Variants in MYO3B observed in about 807,000 individuals in gnomAD.
MYO3B encodes myosin IIIB.
A neutral mutation model predicts 174.6 loss-of-function variants in MYO3B; 156 were observed. The ratio of observed to expected loss-of-function variants is 0.89; its 90% CI spans 0.78 to 1.02. The LOEUF is 1.02. MYO3B is among the 50% of genes least tolerant of loss of function. The pLI is 0.00. For missense variants in MYO3B, 1,632 were observed against 1,639.4 expected (o/e 1.00, Z 0.08); for synonymous variants, 563 against 569.1 (o/e 0.99, Z 0.15).
chr2:170,624,656 G>C (rs749966285), intron 32 of MYO3B, among the ~76,000 whole-genome samples: 1 of 152,122 alleles, frequency 6.6e-6, no homozygotes, highest in Non-Finnish European at 1.5e-5. Flanking sequence ...CTTTCAGAGG[G>C]AATGCTTCCA....
At chr2:170,391,703 C>A in intron 15 of MYO3B, 85 bp downstream of exon 15, 2 of 787,628 alleles carry the variant, frequency 2.5e-6, no homozygotes, top group Non-Finnish European at 2.1e-6. Flanking sequence ...GAGCTGTTTT[C>A]CTAACTGGAA....
chr2:170,515,053 T>C, intron 29 of MYO3B, 31 bp downstream of exon 29: 1 of 1,592,870 alleles, frequency 6.3e-7, no homozygotes, highest in East Asian at 2.2e-5. Context: ...GAATGAGTGT[T>C]CTAAATTCAG....
intron 23 of MYO3B, among the ~76,000 whole-genome samples, chr2:170,456,736 G>C (rs1683931020): frequency 6.6e-6 from 1 of 152,226 alleles, no homozygotes; most frequent in African/African-American, 2.4e-5. Context: ...AATGTTATTT[G>C]TTATATGTGC....
intron 7 of MYO3B, among the ~76,000 whole-genome samples, chr2:170,295,919 C>T (rs975557652): frequency 3.9e-5 from 6 of 152,264 alleles, no homozygotes; most frequent in South Asian, 2.1e-4. Flanking sequence ...GTCTTCTCTA[C>T]CTGAAGCCCA....
chr2:170,563,031 T>TAC (rs56861648), intron 32 of MYO3B, among the ~76,000 whole-genome samples: 6,329 of 138,546 alleles, frequency 0.046, 156 homozygotes, highest in African/African-American at 0.076. Context: ...AAAACATGCA[T>TAC]ACACACACAC....
chr2:170,527,385 A>G (rs1689071889), intron 30 of MYO3B, among the ~76,000 whole-genome samples: 1 of 152,244 alleles, frequency 6.6e-6, no homozygotes, highest in Admixed American at 6.5e-5. Context: ...GTCTACAGAC[A>G]TGTTTTGTTT....
At chr2:170,482,649 G>A (rs1685771689) in intron 25 of MYO3B, among the ~76,000 whole-genome samples, 1 of 152,214 alleles carries the variant, frequency 6.6e-6, no homozygotes, top group Admixed American at 6.5e-5. Flanking sequence ...GGTTAGTGCA[G>A]TAAACAAAAA....
At position 170,195,083 on chromosome 2, in the gene MYO3B, C is replaced by T. The variant is rs578150197; in HGVS notation, c.3-4125C>T. Among the ~76,000 whole-genome samples the T allele has an allele frequency of 5.3e-5, 8 of 152,030 alleles. No individual in the cohort carries two copies. The South Asian group carries it at 1.7e-3, about 32-fold the overall frequency. The stretch of plus-strand genomic sequence containing the variant: ...GAGTGTGGGTCTGCCTCTCCCAGTC[C>T]ACTAACTCAAATGTTAATCTCCTTT... On this transcript the variant is annotated intron_variant, in intron 1 of 34. Transcript: ENST00000408978.
intron 8 of MYO3B, among the ~76,000 whole-genome samples, chr2:170,342,521 G>A (rs1010932932): frequency 1.7e-5 from 2 of 115,026 alleles, no homozygotes; most frequent in African/African-American, 6.1e-5. Context: ...GTCACTTACT[G>A]GCTGTGTAAT....
chr2:170,644,740 AC>A (rs1698237105), intron 32 of MYO3B: 1 of 152,254 alleles, frequency 6.6e-6, no homozygotes, highest in African/African-American at 2.4e-5. Context: ...TTTGTCTCTC[AC>A]CAAGGGCTTG....
intron 32 of MYO3B, among the ~76,000 whole-genome samples, chr2:170,582,610 C>T (rs1693224593): frequency 6.6e-6 from 1 of 152,254 alleles, no homozygotes; most frequent in East Asian, 1.9e-4. Context: ...CTTCCACCTT[C>T]CTTTCTGCCA....
intron 30 of MYO3B, among the ~76,000 whole-genome samples, chr2:170,529,513 C>A (rs1051962401): frequency 1.3e-5 from 2 of 150,908 alleles, no homozygotes; most frequent in African/African-American, 4.9e-5. Flanking sequence ...CTCTAAAGTT[C>A]TGGTTTCTGA....
At chr2:170,412,446 T>C (rs1422716825) in intron 22 of MYO3B, 1 of 152,206 alleles carries the variant, frequency 6.6e-6, no homozygotes, top group East Asian at 1.9e-4. Flanking sequence ...TTACCCTCAT[T>C]GCCTTCTTCT....
At chr2:170,529,467 T>A (rs1689207300) in intron 30 of MYO3B, among the ~76,000 whole-genome samples, 1 of 152,074 alleles carries the variant, frequency 6.6e-6, no homozygotes, top group Non-Finnish European at 1.5e-5. Context: ...TTTTTCTTTC[T>A]TCTTGTCTCT....
chr2:170,392,346 G>A, intron 15 of MYO3B, 35 bp from the exon 16 acceptor site: 2 of 1,457,078 alleles, frequency 1.4e-6, no homozygotes, highest in South Asian at 2.5e-5. Context: ...CCAAGTCAGT[G>A]CTCATTCTGT....
chr2:170,334,083 A>C (rs2093930383), intron 7 of MYO3B: 1 of 152,200 alleles, frequency 6.6e-6, no homozygotes. Context: ...TTTCAAGTTC[A>C]TCTGATGTCC....
chr2:170,481,423 A>G (rs572367193), intron 25 of MYO3B, among the ~76,000 whole-genome samples: 1 of 152,238 alleles, frequency 6.6e-6, no homozygotes, highest in South Asian at 2.1e-4. Flanking sequence ...TAAAATACAA[A>G]AATGAGCAGA....
At chr2:170,190,637 A>G (rs1008960335) in intron 1 of MYO3B, among the ~76,000 whole-genome samples, 2 of 152,072 alleles carry the variant, frequency 1.3e-5, no homozygotes, top group Non-Finnish European at 2.9e-5. Context: ...CACCCAGGCC[A>G]TAGTAAGAAC....
rs1416044897 is a variant in MYO3B at position 170,355,886 on chromosome 2, GCCAC to G, written c.816-13332_816-13329del. Among the ~76,000 whole-genome samples the G allele has an allele frequency of 7.2e-5, 11 of 152,092 alleles. No individual in the cohort carries two copies. The East Asian group carries it at 1.9e-3, about 27-fold the overall frequency. The stretch of plus-strand genomic sequence containing the variant: ...AGATGGCTCTTGTCTCTTTGTGTTG[GCCAC>G]CCAGGGAGAATTTTTTTTACTAGAT... On this transcript the variant is annotated intron_variant, in intron 8 of 34. Transcript: ENST00000408978.
Sources: gnomAD v4.1 joint callset for allele counts (sites outside exome capture counted in the v4.1 genomes callset) on GRCh38, gnomAD v4.1.1 for gene constraint, MANE v1.5 for transcripts, NCBI Gene and HGNC (gene_info 2026-07-23, HGNC 2026-07-21) for gene names.